Variants in KCNU1 observed in about 807,000 individuals in gnomAD.
The protein encoded by KCNU1 is potassium calcium-activated channel subfamily U member 1, also known as potassium channel subfamily U member 1.
KCNU1 carries 93 observed loss-of-function variants against 126.8 expected under a neutral mutation model. That is an observed-to-expected ratio of 0.73 (90% confidence interval 0.62 to 0.87). The LOEUF is 0.87. KCNU1 is among the 40% of genes least tolerant of loss of function. The pLI is 0.00. For synonymous variants in KCNU1, 523 were observed against 494.2 expected, an observed-to-expected ratio of 1.06 and a Z score of -0.77; for missense variants, 1,330 against 1,367.1, an observed-to-expected ratio of 0.97 and a Z score of 0.43.
chr8:36,794,165 A>C (rs1038312691), intron 2 of KCNU1, among the ~76,000 whole-genome samples: 2 of 152,062 alleles, frequency 1.3e-5, no homozygotes, highest in African/African-American at 4.8e-5. Flanking sequence ...AAGAGGAGCC[A>C]ACAGGGAGAA....
At chr8:36,830,432 A>C (rs1194770626) in intron 10 of KCNU1, among the ~76,000 whole-genome samples, 1 of 151,914 alleles carries the variant, frequency 6.6e-6, no homozygotes, top group Non-Finnish European at 1.5e-5. Flanking sequence ...ATTTCTATCA[A>C]TTTGTCTCTG....
At chr8:36,866,397 T>G (rs1805912545) in intron 19 of KCNU1, among the ~76,000 whole-genome samples, 1 of 152,288 alleles carries the variant, frequency 6.6e-6, no homozygotes, top group East Asian at 1.9e-4. Flanking sequence ...CTTCCTTTTA[T>G]GCACTTTCTA....
At chr8:36,920,453 C>A (rs963325364) in intron 23 of KCNU1, among the ~76,000 whole-genome samples, 6 of 152,208 alleles carry the variant, frequency 3.9e-5, no homozygotes, top group African/African-American at 1.4e-4. Flanking sequence ...AGAGGTGCAT[C>A]TGATCACTCT....
At chr8:36,846,652 A>G (rs1805157852) in intron 18 of KCNU1, among the ~76,000 whole-genome samples, 1 of 152,024 alleles carries the variant, frequency 6.6e-6, no homozygotes, top group Non-Finnish European at 1.5e-5. Context: ...AAATACAAAA[A>G]TTAGCTGGGC....
chr8:36,802,661 A>T (rs1803355100), intron 2 of KCNU1, among the ~76,000 whole-genome samples: 1 of 152,196 alleles, frequency 6.6e-6, no homozygotes, highest in African/African-American at 2.4e-5. Flanking sequence ...ACCGAAATCA[A>T]GGGAACCGCA....
intron 19 of KCNU1, among the ~76,000 whole-genome samples, chr8:36,872,929 C>T (rs1469349445): frequency 6.6e-6 from 1 of 152,002 alleles, no homozygotes; most frequent in Non-Finnish European, 1.5e-5. Flanking sequence ...ACCTGCCTGG[C>T]CAACATGGTG....
rs566411505 is a variant in KCNU1, at chr8:36,914,190, C to T, written c.2521+3071C>T. Reference sequence around the variant, plus strand: ...GATTCTACCAGGAGGCAGAAAGCATCGTCCACAATCAGCACTAAAATAAGA... The same window carrying T: ...GATTCTACCAGGAGGCAGAAAGCATTGTCCACAATCAGCACTAAAATAAGA... On this transcript the variant is annotated intron_variant, in intron 22 of 26. Coordinates refer to ENST00000399881, the MANE Select transcript of KCNU1 (RefSeq NM_001031836.3). Among the ~76,000 whole-genome samples, 18 of 152,248 alleles carry T rather than the reference C, an allele frequency of 1.2e-4. No homozygotes were observed. In the East Asian group the frequency reaches 2.1e-3, roughly 18 times the overall value.
At chr8:36,872,638 A>G (rs1806144226) in intron 19 of KCNU1, among the ~76,000 whole-genome samples, 2 of 152,184 alleles carry the variant, frequency 1.3e-5, no homozygotes, top group Non-Finnish European at 2.9e-5. Context: ...ATTGAGTAGT[A>G]AGCCTTCAAT....
chr8:36,932,591 A>T (rs1808734116), intron 25 of KCNU1, among the ~76,000 whole-genome samples: 1 of 152,076 alleles, frequency 6.6e-6, no homozygotes, highest in Non-Finnish European at 1.5e-5. Flanking sequence ...ATATCTCAAA[A>T]GCTGCATTTT....
At chr8:36,841,129 T>C (rs1804942902) in intron 16 of KCNU1, 126 bp downstream of exon 16, 1 of 684,460 alleles carries the variant, frequency 1.5e-6, no homozygotes. Context: ...TTTGGTGGAT[T>C]GGCTGAGAGG....
At chr8:36,892,620 G>T (rs1035084092) in intron 19 of KCNU1, among the ~76,000 whole-genome samples, 1 of 151,720 alleles carries the variant, frequency 6.6e-6, no homozygotes, top group South Asian at 2.1e-4. Context: ...ATGGTTTATT[G>T]TATATTGACA....
chr8:36,792,257 A>C (rs751870865), intron 2 of KCNU1, among the ~76,000 whole-genome samples: 3 of 152,180 alleles, frequency 2.0e-5, no homozygotes, highest in Non-Finnish European at 2.9e-5. Context: ...TATTTTATTT[A>C]GGTGTTCAGG....
chr8:36,933,170 G>GT, intron 26 of KCNU1, 138 bp downstream of exon 26: 1 of 594,124 alleles, frequency 1.7e-6, no homozygotes. Flanking sequence ...AAAAAACTAT[G>GT]TAAGAATAAG....
intron 7 of KCNU1, 86 bp from the exon 8 acceptor site, chr8:36,814,121 C>G (rs558816309): frequency 6.7e-5 from 63 of 940,316 alleles, no homozygotes; most frequent in Non-Finnish European, 9.0e-5. Context: ...GAATGAAGTG[C>G]AATTAATCTA....
intron 2 of KCNU1, among the ~76,000 whole-genome samples, chr8:36,787,856 C>CTAAT (rs200606580): frequency 0.27 from 40,246 of 146,536 alleles, 6,830 homozygotes; most frequent in African/African-American, 0.46. Context: ...TATATATTGA[C>CTAAT]TAATTATATA....
Position 36,812,252 on chromosome 8 carries a change from C to T in KCNU1, c.733-1955C>T, listed in dbSNP as rs570879076. Among the ~76,000 whole-genome samples, 12 of 151,672 alleles carry T rather than the reference C, an allele frequency of 7.9e-5. No individual in the cohort carries two copies. In the South Asian group the frequency reaches 2.5e-3, roughly 32 times the overall value. ...AAAATTAGTCAGGTGTGGTGGCAGGCACCTGCAATCCCAGCTACTCAGGAG... is the reference window on the plus strand; with the variant it reads ...AAAATTAGTCAGGTGTGGTGGCAGGTACCTGCAATCCCAGCTACTCAGGAG... On this transcript the variant is annotated intron_variant, in intron 7 of 26. Coordinates refer to ENST00000399881, the MANE Select transcript of KCNU1 (RefSeq NM_001031836.3).
chr8:36,828,877 T>C (rs1321545413), intron 10 of KCNU1, among the ~76,000 whole-genome samples: 1 of 152,138 alleles, frequency 6.6e-6, no homozygotes, highest in African/African-American at 2.4e-5. Context: ...CTATCAGGAA[T>C]GTGTAAGAGA....
At chr8:36,897,997 C>T in intron 19 of KCNU1, among the ~76,000 whole-genome samples, 1 of 152,046 alleles carries the variant, frequency 6.6e-6, no homozygotes, top group Non-Finnish European at 1.5e-5. Flanking sequence ...ACTCAGGATG[C>T]CTGTATTCAC....
chr8:36,839,760 A>G (rs894445669), intron 14 of KCNU1, among the ~76,000 whole-genome samples: 3 of 152,194 alleles, frequency 2.0e-5, no homozygotes, highest in African/African-American at 7.2e-5. Flanking sequence ...TTGCCATATC[A>G]GAACAGTGTG....
Sources: allele counts gnomAD v4.1 joint callset (sites outside exome capture counted in the v4.1 genomes callset), GRCh38; gene constraint gnomAD v4.1.1; transcripts MANE v1.5; gene names NCBI Gene and HGNC (gene_info 2026-07-23, HGNC 2026-07-21).